Variants in FGD6 observed in about 807,000 individuals in gnomAD.
The protein encoded by FGD6 is FYVE, RhoGEF and PH domain containing 6, also known as FYVE, RhoGEF and PH domain-containing protein 6.
FGD6 carries 90 observed loss-of-function variants against 149.4 expected under a neutral mutation model. The ratio of observed to expected loss-of-function variants is 0.60; its 90% CI spans 0.51 to 0.72. The LOEUF is 0.72. Ranked by LOEUF, FGD6 falls within the 30% of genes least tolerant of loss-of-function variation. FGD6 has a pLI of 0.00. For missense variants in FGD6, 1,437 were observed against 1,684.8 expected (o/e 0.85, Z 2.57); for synonymous variants, 527 against 584.0 (o/e 0.90, Z 1.41).
intron 2 of FGD6, among the ~76,000 whole-genome samples, chr12:95,197,463 C>T (rs143950757): frequency 6.6e-6 from 1 of 152,098 alleles, no homozygotes; most frequent in African/African-American, 2.4e-5. Context: ...ACAAAAAGAA[C>T]CCCAAAAGGC....
chr12:95,097,628 C>CT (rs1878277476), intron 14 of FGD6, among the ~76,000 whole-genome samples: 2 of 102,868 alleles, frequency 1.9e-5, no homozygotes, highest in Admixed American at 2.7e-4. Flanking sequence ...AAGTGAGACT[C>CT]TGTCTCAAAA....
At chr12:95,085,001 A>G (rs1243539703) in intron 19 of FGD6, among the ~76,000 whole-genome samples, 1 of 152,210 alleles carries the variant, frequency 6.6e-6, no homozygotes, top group Non-Finnish European at 1.5e-5. Context: ...CACTAAGGAA[A>G]AGTGTGGACC....
intron 2 of FGD6, among the ~76,000 whole-genome samples, chr12:95,208,261 A>AT (rs201801853): frequency 6.6e-6 from 1 of 151,542 alleles, no homozygotes; most frequent in African/African-American, 2.4e-5. Context: ...CAAAAAAAAA[A>AT]TTTTTTTTTA....
chr12:95,154,343 T>C (rs1455387511), intron 3 of FGD6, among the ~76,000 whole-genome samples: 2 of 152,094 alleles, frequency 1.3e-5, no homozygotes, highest in African/African-American at 2.4e-5. Flanking sequence ...TTTAACAAAA[T>C]AATAATAAAG....
At chr12:95,191,651 C>G (rs901123212) in intron 2 of FGD6, among the ~76,000 whole-genome samples, 2 of 152,150 alleles carry the variant, frequency 1.3e-5, no homozygotes, top group Non-Finnish European at 2.9e-5. Flanking sequence ...CAGGACCCCC[C>G]ACAGAGACCA....
chr12:95,124,867 A>T (rs1207289664), intron 8 of FGD6, among the ~76,000 whole-genome samples: 1 of 152,164 alleles, frequency 6.6e-6, no homozygotes, highest in Non-Finnish European at 1.5e-5. Context: ...TGTGGCAGAC[A>T]TCTTATCCCT....
chr12:95,205,036 GGCA>G (rs1299263215), intron 2 of FGD6, among the ~76,000 whole-genome samples: 2 of 152,216 alleles, frequency 1.3e-5, no homozygotes, highest in Non-Finnish European at 2.9e-5. Context: ...GGGAGGCTAA[GGCA>G]GGAGGATGTC....
intron 20 of FGD6, among the ~76,000 whole-genome samples, chr12:95,083,065 A>AAGAGAGTCC (rs1877753110): frequency 7.1e-6 from 1 of 141,388 alleles, no homozygotes; most frequent in African/African-American, 2.6e-5. Context: ...ACACACACAG[A>AAGAGAGTCC]AGAGAGTCCA....
chr12:95,118,098 C>T (rs749704835), intron 8 of FGD6, among the ~76,000 whole-genome samples: 2 of 151,914 alleles, frequency 1.3e-5, no homozygotes, highest in Non-Finnish European at 2.9e-5. Flanking sequence ...TGCCTGTAAT[C>T]CCAGTACTTT....
Position 95,085,811 on chromosome 12 carries a change from T to C in FGD6, c.4076A>G (p.Asn1359Ser). The C allele has an allele frequency of 6.2e-7, 1 of 1,613,942 alleles. No individual in the cohort carries two copies. Residue 1359 changes from asparagine to serine, a missense_variant, in exon 19 of 21, where the codon AAT becomes AGT. Physicochemically the swap from Asn to Ser is conservative, Grantham distance 46. Transcript: ENST00000343958. ...PWKHFWFVIK[N>S]KVLYTYAASE... ...TGCAGCATATGTATATAGTACTTTA[T>C]TTTTTATGACAAACCAAAAGTGTTT...
chr12:95,214,131 A>G (rs1028135059), intron 1 of FGD6, among the ~76,000 whole-genome samples: 10 of 152,336 alleles, frequency 6.6e-5, no homozygotes, highest in Admixed American at 5.9e-4. Context: ...AGCATAAGAC[A>G]CAAGCTCCAG....
chr12:95,106,329 C>T (rs1200177208), intron 13 of FGD6, among the ~76,000 whole-genome samples: 1 of 147,580 alleles, frequency 6.8e-6, no homozygotes, highest in African/African-American at 2.5e-5. Context: ...GGAGTGTAGT[C>T]GCGCGAGCTC....
intron 5 of FGD6, among the ~76,000 whole-genome samples, chr12:95,151,985 T>C (rs1880322739): frequency 6.6e-6 from 1 of 152,132 alleles, no homozygotes; most frequent in African/African-American, 2.4e-5. Flanking sequence ...AAAATGAATA[T>C]GCACCCTGAC....
At chr12:95,082,699 C>T (rs923782488) in intron 20 of FGD6, among the ~76,000 whole-genome samples, 6 of 147,104 alleles carry the variant, frequency 4.1e-5, no homozygotes, top group Non-Finnish European at 6.0e-5. Context: ...TCACAGACAT[C>T]TTTCCAAAAT....
In FGD6 at chr12:95,079,806, A is replaced by G. The variant is rs1389774461; in HGVS notation, c.*1714T>C. The stretch of plus-strand genomic sequence containing the variant: ...CTGGTGCTGTACCAAACAGCATTCA[A>G]AAGGCCCCAGAAAGGCACTCAGTAA... On this transcript the variant is annotated 3_prime_UTR_variant, in exon 21 of 21. Transcript: ENST00000343958. The G allele has an allele frequency of 1.3e-5, 2 of 152,148 alleles. No homozygotes were observed. Among genetic ancestry groups the G allele is most frequent in the African/African-American group, 2.4e-5 (1 of 41,432 alleles). The allele number at this position is 152,148 out of a possible 1,614,324, so 9.4% of individuals were successfully genotyped here.
In FGD6 at chr12:95,126,838, G is replaced by A. The variant is rs1203126686; in HGVS notation, c.3082+7901C>T. Reference sequence around the variant, plus strand: ...AACTACTTGAGAGGCTTTGGTGGGAGAATTGCTTGAACCCAGGAGTCGGAA... The same window carrying A: ...AACTACTTGAGAGGCTTTGGTGGGAAAATTGCTTGAACCCAGGAGTCGGAA... On this transcript the variant is annotated intron_variant, in intron 8 of 20. Coordinates refer to ENST00000343958, the MANE Select transcript of FGD6 (RefSeq NM_018351.4). 1.1e-4 allele frequency among the ~76,000 whole-genome samples: 17 copies of A among 152,058 alleles called. 1 individual carries two copies. Among genetic ancestry groups the A allele is most frequent in the Admixed American group, 9.8e-4 (15 of 15,240 alleles).
intron 2 of FGD6, among the ~76,000 whole-genome samples, chr12:95,195,575 T>C (rs1465765887): frequency 6.6e-6 from 1 of 150,990 alleles, no homozygotes; most frequent in East Asian, 1.9e-4. Context: ...TGTCGCTATT[T>C]GTGGGTAGAT....
chr12:95,149,272 A>ATATAATATATAG (rs1565908976), intron 5 of FGD6, among the ~76,000 whole-genome samples: 3 of 8,800 alleles, frequency 3.4e-4, no homozygotes, highest in Non-Finnish European at 2.9e-4. Context: ...ATATTATATT[A>ATATAATATATAG]CATATAGCAT....
chr12:95,185,023 G>A (rs1483380117), intron 2 of FGD6, among the ~76,000 whole-genome samples: 1 of 151,642 alleles, frequency 6.6e-6, no homozygotes, highest in Non-Finnish European at 1.5e-5. Context: ...ACAGGCGCCA[G>A]CCACCATGCC....
Sources: allele counts gnomAD v4.1 joint callset (sites outside exome capture counted in the v4.1 genomes callset), GRCh38; gene constraint gnomAD v4.1.1; transcripts MANE v1.5; gene names NCBI Gene and HGNC (gene_info 2026-07-23, HGNC 2026-07-21).